The following XCR1 variants were observed in gnomAD, a reference collection of about 807,000 sequenced individuals.
XCR1 encodes the protein X-C motif chemokine receptor 1.
For synonymous variants in XCR1, 187 were observed against 188.5 expected (o/e 0.99, Z 0.06); for missense variants, 356 against 424.2 (o/e 0.84, Z 1.41).
Position 46,018,282 on chromosome 3 carries a change from G to A in XCR1, c.*2664C>T, listed in dbSNP as rs541231370. 1.3e-5 allele frequency: 2 copies of A among 152,310 alleles called. No homozygotes were observed. Among genetic ancestry groups the A allele is most frequent in the South Asian group, 4.1e-4 (2 of 4,826 alleles). 9.4% of individuals were successfully genotyped at this position (152,310 alleles called of 1,614,324 possible). A position where few individuals can be genotyped will look rare whatever the true frequency, so the allele number is the denominator to read the frequency against. On this transcript the variant is annotated 3_prime_UTR_variant, in exon 2 of 2. Coordinates refer to ENST00000309285, the MANE Select transcript of XCR1 (RefSeq NM_001024644.2). The stretch of plus-strand genomic sequence containing the variant: ...GAGGGTGAAGTGAGCTTCTCAAGGG[G>A]CCTCAACCCCCAAACCTGCCTTCTA...
At chr3:46,078,661 A>G (rs752490027) in intron 1 of XCR1, among the ~76,000 whole-genome samples, 18 of 152,204 alleles carry the variant, frequency 1.2e-4, no homozygotes, top group Non-Finnish European at 1.9e-4. Context: ...GCTGCTTCCT[A>G]TTGTTTGAAA....
chr3:46,055,859 C>T (rs970644224), intron 4 of XCR1, among the ~76,000 whole-genome samples: 1 of 152,212 alleles, frequency 6.6e-6, no homozygotes, highest in East Asian at 1.9e-4. Flanking sequence ...CTTAACAACA[C>T]TATGAAGAAG....
chr3:46,048,290 G>A (rs1195689970), intron 5 of XCR1, among the ~76,000 whole-genome samples: 1 of 152,170 alleles, frequency 6.6e-6, no homozygotes, highest in African/African-American at 2.4e-5. Context: ...GGGAACATAT[G>A]CCTAATATGT....
chr3:46,084,601 A>G (rs1044368721), intron 1 of XCR1, among the ~76,000 whole-genome samples: 8 of 152,230 alleles, frequency 5.3e-5, no homozygotes, highest in Admixed American at 3.3e-4. Flanking sequence ...CCAACTTTTT[A>G]TCAGCTCACT....
At chr3:46,023,133 G>GC (rs1206235878) in intron 1 of XCR1, among the ~76,000 whole-genome samples, 1 of 152,160 alleles carries the variant, frequency 6.6e-6, no homozygotes, top group Non-Finnish European at 1.5e-5. Context: ...CGGGGTCGCG[G>GC]CGGCGGCGCA....
intron 1 of XCR1, chr3:46,023,253 T>G: frequency 1.6e-6 from 1 of 632,954 alleles, no homozygotes. Flanking sequence ...CCCCTCCATG[T>G]TCCCTGGCCC....
At chr3:46,063,484 A>G (rs1421941543) in intron 4 of XCR1, among the ~76,000 whole-genome samples, 2 of 152,198 alleles carry the variant, frequency 1.3e-5, no homozygotes, top group East Asian at 3.8e-4. Flanking sequence ...TCCCCTGTCT[A>G]AACTCCTGCT....
chr3:46,061,725 G>C (rs1197302469), intron 4 of XCR1, among the ~76,000 whole-genome samples: 1 of 152,170 alleles, frequency 6.6e-6, no homozygotes, highest in Non-Finnish European at 1.5e-5. Flanking sequence ...TGGGGAGTTA[G>C]AGGTACAGAG....
chr3:46,035,185 C>T (rs1476591820), intron 5 of XCR1, among the ~76,000 whole-genome samples: 1 of 152,176 alleles, frequency 6.6e-6, no homozygotes, highest in Non-Finnish European at 1.5e-5. Context: ...AAACTCCTGA[C>T]CTCCTGATCT....
At chr3:46,052,334 T>C (rs935292238) in intron 5 of XCR1, among the ~76,000 whole-genome samples, 1 of 152,162 alleles carries the variant, frequency 6.6e-6, no homozygotes, top group Non-Finnish European at 1.5e-5. Flanking sequence ...GGGGATGCCC[T>C]GATTGTTTGT....
At chr3:46,066,523 G>A (rs1297226231) in intron 4 of XCR1, among the ~76,000 whole-genome samples, 3 of 152,176 alleles carry the variant, frequency 2.0e-5, no homozygotes, top group African/African-American at 2.4e-5. Flanking sequence ...AATTATAGGC[G>A]TCGGCCATCC....
chr3:46,079,247 G>A (rs186256728), intron 1 of XCR1, among the ~76,000 whole-genome samples: 8 of 152,216 alleles, frequency 5.3e-5, no homozygotes, highest in East Asian at 1.9e-4. Context: ...CTAGGAAAAC[G>A]GACCCATATA....
intron 4 of XCR1, among the ~76,000 whole-genome samples, chr3:46,065,938 T>C (rs1698060943): frequency 6.6e-6 from 1 of 152,178 alleles, no homozygotes; most frequent in Non-Finnish European, 1.5e-5. Context: ...CGTAGGGATG[T>C]CCCTGGGGCA....
chr3:46,084,316 AT>A (rs1698432606), intron 1 of XCR1, among the ~76,000 whole-genome samples: 1 of 152,230 alleles, frequency 6.6e-6, no homozygotes, highest in South Asian at 2.1e-4. Flanking sequence ...AAGGAAGGAA[AT>A]GAGAGCAAAA....
intron 1 of XCR1, chr3:46,024,214 CAA>C (rs35174940): frequency 0.037 from 7,268 of 195,676 alleles, 1 homozygote; most frequent in Middle Eastern, 0.061. Context: ...GTTAATCCAG[CAA>C]AAAAAAAAAA....
intron 5 of XCR1, among the ~76,000 whole-genome samples, chr3:46,034,425 C>T (rs925858378): frequency 6.6e-6 from 1 of 151,526 alleles, no homozygotes; most frequent in Admixed American, 6.6e-5. Flanking sequence ...CTCTTCTTTC[C>T]CAATCTTTAT....
At chr3:46,082,751 A>C (rs1232915075) in intron 1 of XCR1, among the ~76,000 whole-genome samples, 2 of 152,022 alleles carry the variant, frequency 1.3e-5, no homozygotes. Context: ...CGGCCTCTCA[A>C]AGTGCTGGGA....
intron 2 of XCR1, among the ~76,000 whole-genome samples, chr3:46,075,051 A>G (rs1698233821): frequency 6.6e-6 from 1 of 152,190 alleles, no homozygotes; most frequent in South Asian, 2.1e-4. Flanking sequence ...ATATTTAAAG[A>G]ATAATTAGCA....
At chr3:46,070,545 G>A (rs1429826579) in intron 3 of XCR1, among the ~76,000 whole-genome samples, 1 of 151,366 alleles carries the variant, frequency 6.6e-6, no homozygotes, top group Non-Finnish European at 1.5e-5. Flanking sequence ...AATGACCCTT[G>A]GGTTTTTTTA....
Sources: gnomAD v4.1 joint callset for allele counts (sites outside exome capture counted in the v4.1 genomes callset) on GRCh38, gnomAD v4.1.1 for gene constraint, MANE v1.5 for transcripts, NCBI Gene and HGNC (gene_info 2026-07-23, HGNC 2026-07-21) for gene names.